Variants in ZNF212 observed in about 807,000 individuals in gnomAD.
ZNF212 encodes Zinc finger protein C2H2-150.
Under a neutral mutation model 47.3 loss-of-function variants are expected in ZNF212, and 32 were observed. That is an observed-to-expected ratio of 0.68 (90% CI 0.51 to 0.91). ZNF212 has a LOEUF of 0.91. ZNF212 is among the 40% of genes least tolerant of loss of function. The pLI is 0.00. For synonymous variants in ZNF212, 242 were observed against 253.8 expected, an observed-to-expected ratio of 0.95 and a Z score of 0.44; for missense variants, 555 against 622.8, an observed-to-expected ratio of 0.89 and a Z score of 1.16.
rs143805564 is a variant in ZNF212 at position 149,255,525 on chromosome 7, C to T, written c.*1110C>T. On this transcript the variant is annotated 3_prime_UTR_variant, in exon 5 of 5. Coordinates refer to ENST00000335870, the MANE Select transcript of ZNF212 (RefSeq NM_012256.4). ...CTGTCTGGGGGGATGGGAGTGGGCT[C>T]TGGGGTCATATGTGAACATCCCCTT... 2,149 of 153,414 alleles carry T rather than the reference C, an allele frequency of 0.014. 44 individuals carry two copies. The highest frequency in any genetic ancestry group is 0.049 in the African/African-American group (2,018 of 41,364). 9.5% of individuals were successfully genotyped at this position (153,414 alleles called of 1,614,324 possible). A position where few individuals can be genotyped will look rare whatever the true frequency, so the allele number is the denominator to read the frequency against.
At chr7:149,249,306 T>C (rs930903252) in intron 1 of ZNF212, among the ~76,000 whole-genome samples, 2 of 152,182 alleles carry the variant, frequency 1.3e-5, no homozygotes, top group African/African-American at 4.8e-5. Context: ...ATGAATTAGG[T>C]CTTGTAGGTC....
chr7:149,239,864 G>C, intron 1 of ZNF212, 62 bp downstream of exon 1: 1 of 1,261,332 alleles, frequency 7.9e-7, no homozygotes, highest in Non-Finnish European at 1.0e-6. Context: ...CCCCTGCCGG[G>C]GGCGGGGCTT....
chr7:149,241,247 T>A (rs1796583280), intron 1 of ZNF212, among the ~76,000 whole-genome samples: 1 of 151,916 alleles, frequency 6.6e-6, no homozygotes, highest in Non-Finnish European at 1.5e-5. Context: ...GTCTGGCCAA[T>A]GTGGTGAAAC....
At chr7:149,246,813 CTTTTT>C (rs71194633) in intron 1 of ZNF212, among the ~76,000 whole-genome samples, 340 of 103,602 alleles carry the variant, frequency 3.3e-3, no homozygotes, top group Middle Eastern at 0.014. Flanking sequence ...TGTCTGAATT[CTTTTT>C]TTTTTTTTTT....
At chr7:149,239,861 C>G in intron 1 of ZNF212, 59 bp downstream of exon 1, 1 of 1,259,942 alleles carries the variant, frequency 7.9e-7, no homozygotes, top group African/African-American at 1.5e-5. Context: ...AGTCCCCTGC[C>G]GGGGGCGGGG....
intron 1 of ZNF212, among the ~76,000 whole-genome samples, chr7:149,248,867 G>T (rs541760978): frequency 4.7e-4 from 72 of 152,268 alleles, no homozygotes; most frequent in African/African-American, 1.7e-3. Flanking sequence ...AGTAGGTCAT[G>T]GCCAAACTTA....
intron 3 of ZNF212, chr7:149,251,406 A>AACT (rs1409158577): frequency 6.5e-6 from 1 of 154,482 alleles, no homozygotes; most frequent in Non-Finnish European, 1.4e-5. Context: ...GCTGGTCTTG[A>AACT]ACTCCTGACC....
chr7:149,245,853 CT>C (rs550088126), intron 1 of ZNF212, among the ~76,000 whole-genome samples: 31 of 152,264 alleles, frequency 2.0e-4, no homozygotes, highest in Non-Finnish European at 4.1e-4. Flanking sequence ...TTTTTAATGA[CT>C]TGAAATTTTT....
At chr7:149,243,755 C>T (rs1257775760) in intron 1 of ZNF212, among the ~76,000 whole-genome samples, 5 of 152,082 alleles carry the variant, frequency 3.3e-5, no homozygotes, top group African/African-American at 1.2e-4. Flanking sequence ...TTTAATACAA[C>T]CTTAGTATTT....
chr7:149,248,261 C>T (rs1164000243), intron 1 of ZNF212, among the ~76,000 whole-genome samples: 1 of 152,114 alleles, frequency 6.6e-6, no homozygotes, highest in African/African-American at 2.4e-5. Context: ...TGTGTGTCTG[C>T]GTCTAAAGGT....
rs928582430 is a variant in ZNF212 at position 149,246,668 on chromosome 7, G to A, written c.25-3491G>A. On this transcript the variant is annotated intron_variant, in intron 1 of 4. Coordinates refer to ENST00000335870, the MANE Select transcript of ZNF212 (RefSeq NM_012256.4). ...GCCTCCCAAAGTGCTGGGGTTATAG[G>A]TGTGAGCCACTGTGCCTGGCCTATA... Among the ~76,000 whole-genome samples, 16 of 152,030 alleles carry A rather than the reference G, an allele frequency of 1.1e-4. 1 individual carries two copies. Among genetic ancestry groups the A allele is most frequent in the African/African-American group, 3.1e-4 (13 of 41,376 alleles).
Position 149,254,243 on chromosome 7 carries a change from CA to C in ZNF212, c.1317del (p.Ser440LeufsTer87). 1 of 1,614,242 alleles carries C rather than the reference CA, an allele frequency of 6.2e-7. No individual in the cohort carries two copies. The highest frequency in any genetic ancestry group is 8.5e-7 in the Non-Finnish European group (1 of 1,180,036). On this transcript the variant is annotated frameshift_variant, in exon 5 of 5. Coordinates refer to ENST00000335870, the MANE Select transcript of ZNF212 (RefSeq NM_012256.4). LOFTEE classifies it high-confidence loss of function. The surrounding 1 kb of genome is among the most constrained non-coding windows in gnomAD (Gnocchi z 4.5). The part of the protein sequence containing the change: ...CGYCGKSFSH[P>X]SDLVRHQRIH... ...TACTGTGGCAAGAGCTTCAGTCACCCATCTGACTTGGTGCGGCACCAGCGCA... is the reference window on the plus strand; with the variant it reads ...TACTGTGGCAAGAGCTTCAGTCACCCTCTGACTTGGTGCGGCACCAGCGCA...
In ZNF212 at chr7:149,254,113, C is replaced by T; in HGVS notation, c.1186C>T (p.Pro396Ser). Residue 396 changes from proline (P) to serine (S), a missense_variant, in exon 5 of 5, where the codon CCC (proline) becomes TCC (serine). Pro to Ser is a moderately conservative substitution (Grantham distance 74). Coordinates refer to ENST00000335870, the MANE Select transcript of ZNF212 (RefSeq NM_012256.4). This position sits in a 1 kb window ranked among gnomAD's most constrained non-coding sequence, Gnocchi z 4.5. ...TCAGCGTTGCCACCTGCAGGAGGGG[C>T]CCAGTGCCGGCCAGCATGTCCAAGA... ...THQRCHLQEGPSAGQHVQERF... is the reference protein window; with the variant it reads ...THQRCHLQEGSSAGQHVQERF... 1 of 1,613,458 alleles carries T rather than the reference C, an allele frequency of 6.2e-7. No individual in the cohort carries two copies. Among genetic ancestry groups the T allele is most frequent in the South Asian group, 1.1e-5 (1 of 90,930 alleles).
chr7:149,249,707 A>G (rs1279160164), intron 1 of ZNF212, among the ~76,000 whole-genome samples: 1 of 152,182 alleles, frequency 6.6e-6, no homozygotes. Context: ...GGCTCACTGT[A>G]GCCTCAACCT....
At chr7:149,249,288 A>C (rs1469832664) in intron 1 of ZNF212, among the ~76,000 whole-genome samples, 1 of 152,330 alleles carries the variant, frequency 6.6e-6, no homozygotes, top group East Asian at 1.9e-4. Flanking sequence ...GCTAGAGTGC[A>C]AAGATGAATG....
chr7:149,249,569 A>C (rs1048843630), intron 1 of ZNF212, among the ~76,000 whole-genome samples: 1 of 151,968 alleles, frequency 6.6e-6, no homozygotes, highest in Middle Eastern at 3.2e-3. Context: ...TGTTGAAAAA[A>C]AATAAACTAA....
intron 1 of ZNF212, 114 bp downstream of exon 1, chr7:149,239,916 C>T (rs971746119): frequency 3.7e-5 from 44 of 1,203,150 alleles, no homozygotes; most frequent in Non-Finnish European, 4.5e-5. Flanking sequence ...CCCGGGGCTG[C>T]CGTTGGCGCG....
rs187174124 is a variant in ZNF212, at chr7:149,246,382, A to C, written c.25-3777A>C. Among the ~76,000 whole-genome samples, 17 of 150,888 alleles carry C rather than the reference A, an allele frequency of 1.1e-4. No individual in the cohort carries two copies. In the East Asian group the frequency reaches 3.3e-3, roughly 29 times the overall value. ...AGTTCCCTCATATCCCTTTATAATC[A>C]GTCTTTTTTTTTTTTTTTGAGACGG... On this transcript the variant is annotated intron_variant, in intron 1 of 4. Transcript: ENST00000335870.
At chr7:149,251,600 A>G (rs987304951) in intron 3 of ZNF212, among the ~76,000 whole-genome samples, 1 of 134,938 alleles carries the variant, frequency 7.4e-6, no homozygotes, top group African/African-American at 2.9e-5. Flanking sequence ...TGATTCTCCC[A>G]CCTCAGTTTT....
Sources: gnomAD v4.1 joint callset for allele counts (sites outside exome capture counted in the v4.1 genomes callset) on GRCh38, gnomAD v4.1.1 for gene constraint, Gnocchi (gnomAD v3.1) non-coding constraint, MANE v1.5 for transcripts, NCBI Gene and HGNC (gene_info 2026-07-23, HGNC 2026-07-21) for gene names.